SGCD: variants seen among roughly 807,000 people sequenced by gnomAD.
SGCD encodes the protein sarcoglycan delta.
Under a neutral mutation model 36.6 loss-of-function variants are expected in SGCD, and 18 were observed. That is an observed-to-expected ratio of 0.49 (90% CI 0.34 to 0.73). The LOEUF is 0.73. SGCD is among the 30% of genes least tolerant of loss of function. The pLI is 0.01. For missense variants in SGCD, 387 were observed against 346.7 expected, an observed-to-expected ratio of 1.12 and a Z score of -0.92; for synonymous variants, 133 against 130.6, an observed-to-expected ratio of 1.02 and a Z score of -0.12.
intron 3 of SGCD, among the ~76,000 whole-genome samples, chr5:156,381,790 C>T (rs975183372): frequency 5.3e-5 from 8 of 152,024 alleles, no homozygotes; most frequent in Admixed American, 1.3e-4. Flanking sequence ...AGGGACAGTC[C>T]GCTCAAAGCT....
intron 3 of SGCD, among the ~76,000 whole-genome samples, chr5:156,469,433 C>T (rs995860318): frequency 2.6e-5 from 4 of 152,174 alleles, no homozygotes; most frequent in African/African-American, 9.7e-5. Context: ...ATTTAAAGAG[C>T]TACCCAAGTA....
intron 7 of SGCD, among the ~76,000 whole-genome samples, chr5:156,723,406 G>T (rs781407512): frequency 6.6e-6 from 1 of 152,120 alleles, no homozygotes; most frequent in East Asian, 1.9e-4. Flanking sequence ...AGACTTAAAC[G>T]TTGCCAGCAT....
the SGCD span, among the ~76,000 whole-genome samples, chr5:155,752,834 C>G: frequency 6.6e-6 from 1 of 152,120 alleles, no homozygotes; most frequent in Non-Finnish European, 1.5e-5. Context: ...CTTATAATGA[C>G]ATTGTGAGGC....
At chr5:156,506,396 C>T (rs1581092867) in intron 3 of SGCD, among the ~76,000 whole-genome samples, 1 of 152,028 alleles carries the variant, frequency 6.6e-6, no homozygotes, top group Non-Finnish European at 1.5e-5. Flanking sequence ...CCTTATTTTC[C>T]AGTTCCGTCC....
At chr5:156,211,962 T>C (rs943870579) in intron 3 of SGCD, among the ~76,000 whole-genome samples, 4 of 152,196 alleles carry the variant, frequency 2.6e-5, no homozygotes, top group African/African-American at 9.7e-5. Context: ...AATTTTAAGA[T>C]GTTTTATGTA....
intron 4 of SGCD, among the ~76,000 whole-genome samples, chr5:156,543,561 C>T (rs1250090444): frequency 2.0e-5 from 3 of 152,188 alleles, no homozygotes; most frequent in Non-Finnish European, 4.4e-5. Flanking sequence ...CACTAATTCT[C>T]ATTAAGCCAC....
chr5:155,876,055 T>A (rs919150915), intron 1 of SGCD, among the ~76,000 whole-genome samples: 14 of 151,928 alleles, frequency 9.2e-5, no homozygotes, highest in African/African-American at 3.1e-4. Context: ...TTTATTTATT[T>A]TTTTTTATTA....
intron 4 of SGCD, among the ~76,000 whole-genome samples, chr5:156,551,146 C>T (rs1268353624): frequency 6.6e-6 from 1 of 152,158 alleles, no homozygotes; most frequent in African/African-American, 2.4e-5. Flanking sequence ...GACCTTTGCA[C>T]TTCTTGTTCT....
intron 7 of SGCD, among the ~76,000 whole-genome samples, chr5:156,697,414 A>G (rs1754362923): frequency 6.6e-6 from 1 of 152,012 alleles, no homozygotes; most frequent in South Asian, 2.1e-4. Flanking sequence ...CTTCTCACAT[A>G]TTTCCTATAC....
intron 1 of SGCD, among the ~76,000 whole-genome samples, chr5:155,975,607 TCC>T (rs1427733720): frequency 7.7e-6 from 1 of 129,064 alleles, no homozygotes; most frequent in African/African-American, 3.0e-5. Flanking sequence ...TTTCTTTCTT[TCC>T]TTTTTTTTTT....
chr5:156,724,453 A>C (rs999385354), intron 7 of SGCD, among the ~76,000 whole-genome samples: 2 of 152,008 alleles, frequency 1.3e-5, no homozygotes, highest in African/African-American at 2.4e-5. Flanking sequence ...AAATACAAAA[A>C]AACATTAGCT....
At chr5:156,145,514 C>T (rs1367937998) in intron 3 of SGCD, among the ~76,000 whole-genome samples, 3 of 152,048 alleles carry the variant, frequency 2.0e-5, no homozygotes, top group Non-Finnish European at 2.9e-5. Flanking sequence ...GATTTTTAGG[C>T]CCCTCTATAT....
chr5:156,680,974 G>A (rs955989538), intron 7 of SGCD, among the ~76,000 whole-genome samples: 21 of 152,154 alleles, frequency 1.4e-4, no homozygotes, highest in Non-Finnish European at 2.5e-4. Flanking sequence ...CCAGAGTGAA[G>A]GAACACTGGA....
At chr5:156,525,464 TTTA>T (rs1757606620) in intron 4 of SGCD, among the ~76,000 whole-genome samples, 1 of 152,102 alleles carries the variant, frequency 6.6e-6, no homozygotes, top group Non-Finnish European at 1.5e-5. Flanking sequence ...TTTATATAGT[TTTA>T]TTATTAATCC....
chr5:156,220,762 C>T (rs1764698861), intron 3 of SGCD, among the ~76,000 whole-genome samples: 1 of 152,144 alleles, frequency 6.6e-6, no homozygotes, highest in African/African-American at 2.4e-5. Context: ...CCTTTTCCTG[C>T]AACATTTCTA....
chr5:155,842,816 AAAAAG>A, the SGCD span, among the ~76,000 whole-genome samples: 1 of 152,254 alleles, frequency 6.6e-6, no homozygotes, highest in Non-Finnish European at 1.5e-5. Context: ...AAAATTTTAA[AAAAAG>A]AAATCTTCAA....
At chr5:156,610,148 G>GCT (rs201096946) in intron 6 of SGCD, among the ~76,000 whole-genome samples, 48,119 of 151,800 alleles carry the variant, frequency 0.32, 8,500 homozygotes, top group African/African-American at 0.48. Flanking sequence ...CGGTTTTTCT[G>GCT]CTGTTTTTTC....
intron 7 of SGCD, among the ~76,000 whole-genome samples, chr5:156,756,377 A>G (rs752886387): frequency 6.6e-6 from 1 of 152,108 alleles, no homozygotes; most frequent in Non-Finnish European, 1.5e-5. Context: ...GCAAGACGCT[A>G]TCTCTACAAA....
intron 7 of SGCD, among the ~76,000 whole-genome samples, chr5:156,703,356 T>A (rs768887286): frequency 4.6e-5 from 7 of 151,978 alleles, no homozygotes; most frequent in Non-Finnish European, 1.0e-4. Flanking sequence ...CCTCAGAGTT[T>A]GCCCATACTT....
Sources: allele counts gnomAD v4.1 joint callset (sites outside exome capture counted in the v4.1 genomes callset), GRCh38; gene constraint gnomAD v4.1.1; transcripts MANE v1.5; gene names NCBI Gene and HGNC (gene_info 2026-07-23, HGNC 2026-07-21).